Variants in MORC1 observed in about 807,000 individuals in gnomAD.
MORC1 encodes MORC family CW-type zinc finger 1, also known as MORC family CW-type zinc finger protein 1.
Under a neutral mutation model 134.9 loss-of-function variants are expected in MORC1, and 59 were observed. The ratio of observed to expected loss-of-function variants is 0.44; its 90% confidence interval spans 0.35 to 0.54. The LOEUF (loss-of-function observed/expected upper bound fraction) is 0.54, where lower values mean the gene tolerates loss of function less well. MORC1 is among the 20% of genes least tolerant of loss of function. MORC1 has a pLI of 0.00. For synonymous variants in MORC1, 395 were observed against 391.7 expected (o/e 1.01, Z -0.10); for missense variants, 947 against 1,134.5 (o/e 0.83, Z 2.37).
intron 26 of MORC1, among the ~76,000 whole-genome samples, chr3:108,967,954 T>C (rs533046916): frequency 6.6e-6 from 1 of 152,326 alleles, no homozygotes; most frequent in South Asian, 2.1e-4. Context: ...TGGGATATTA[T>C]CTTTCTGAAT....
chr3:109,033,419 T>C (rs1031015384), intron 15 of MORC1, among the ~76,000 whole-genome samples: 2 of 152,164 alleles, frequency 1.3e-5, no homozygotes, highest in Non-Finnish European at 1.5e-5. Context: ...CTCCAGTCTA[T>C]AGTTTCTGAT....
chr3:109,065,539 A>G (rs1950176647), intron 9 of MORC1, among the ~76,000 whole-genome samples: 1 of 152,218 alleles, frequency 6.6e-6, no homozygotes. Flanking sequence ...TGGCATGGCA[A>G]AAGTGATGGT....
At chr3:109,046,318 G>A (rs1467215019) in intron 14 of MORC1, among the ~76,000 whole-genome samples, 1 of 152,088 alleles carries the variant, frequency 6.6e-6, no homozygotes, top group Non-Finnish European at 1.5e-5. Context: ...GGAAAATTAT[G>A]TTTCTCCTGG....
chr3:109,003,430 C>T (rs1054540624), intron 20 of MORC1, among the ~76,000 whole-genome samples: 2 of 146,974 alleles, frequency 1.4e-5, no homozygotes, highest in South Asian at 2.1e-4. Flanking sequence ...CACACACACA[C>T]GCATGCATAC....
chr3:109,094,128 T>C (rs1354949921), intron 7 of MORC1, among the ~76,000 whole-genome samples: 1 of 152,124 alleles, frequency 6.6e-6, no homozygotes, highest in Admixed American at 6.6e-5. Flanking sequence ...ATGAGTGTGG[T>C]TGCGTTCCAA....
intron 9 of MORC1, among the ~76,000 whole-genome samples, chr3:109,068,576 A>G (rs947480128): frequency 2.6e-5 from 4 of 152,022 alleles, no homozygotes; most frequent in South Asian, 2.1e-4. Context: ...CATTGTGTGT[A>G]TATATATATA....
At chr3:109,092,943 A>G (rs1233988861) in intron 8 of MORC1, among the ~76,000 whole-genome samples, 4 of 152,158 alleles carry the variant, frequency 2.6e-5, no homozygotes, top group Non-Finnish European at 5.9e-5. Context: ...CATGCAGAAA[A>G]TAATGATTAA....
chr3:108,998,949 T>C (rs1948314569), intron 21 of MORC1, among the ~76,000 whole-genome samples: 1 of 152,182 alleles, frequency 6.6e-6, no homozygotes, highest in Non-Finnish European at 1.5e-5. Flanking sequence ...TGCCAAAAGC[T>C]GTGTGCAAAG....
chr3:109,054,608 G>T, intron 14 of MORC1, 120 bp downstream of exon 14: 1 of 873,820 alleles, frequency 1.1e-6, no homozygotes. Flanking sequence ...TAAAGCAGGA[G>T]CTCCCTTTCA....
chr3:109,058,618 A>C (rs899191503), intron 12 of MORC1, among the ~76,000 whole-genome samples: 7 of 152,124 alleles, frequency 4.6e-5, no homozygotes, highest in African/African-American at 1.7e-4. Flanking sequence ...GACATGAGTT[A>C]ATATACTATA....
intron 14 of MORC1, among the ~76,000 whole-genome samples, chr3:109,044,855 G>C (rs891070829): frequency 6.7e-6 from 1 of 148,356 alleles, no homozygotes; most frequent in Non-Finnish European, 1.5e-5. Context: ...TTAGGCAGGA[G>C]AATTGCTTGA....
chr3:109,055,701 C>T (rs1214077716), intron 13 of MORC1, among the ~76,000 whole-genome samples: 2 of 152,158 alleles, frequency 1.3e-5, no homozygotes, highest in South Asian at 2.1e-4. Context: ...CAGCACCAAG[C>T]CCTGTTCCAG....
chr3:108,997,273 C>T (rs1164203410), intron 21 of MORC1, among the ~76,000 whole-genome samples: 1 of 152,152 alleles, frequency 6.6e-6, no homozygotes, highest in East Asian at 1.9e-4. Flanking sequence ...GGGCTCATGC[C>T]TGTAATCCCA....
intron 22 of MORC1, 62 bp from the exon 23 acceptor site, chr3:108,984,844 G>T (rs1947853627): frequency 1.5e-6 from 2 of 1,363,026 alleles, no homozygotes; most frequent in East Asian, 2.4e-5. Flanking sequence ...TGAACCAAAA[G>T]AAATGTTAGC....
chr3:108,994,506 T>G (rs1948145611), intron 21 of MORC1, among the ~76,000 whole-genome samples: 1 of 152,174 alleles, frequency 6.6e-6, no homozygotes, highest in Non-Finnish European at 1.5e-5. Flanking sequence ...TGGGTTTGCC[T>G]CTAACATTCA....
At chr3:109,085,270 A>T (rs937390798) in intron 8 of MORC1, among the ~76,000 whole-genome samples, 6 of 152,078 alleles carry the variant, frequency 3.9e-5, no homozygotes, top group African/African-American at 1.4e-4. Flanking sequence ...GCATTACATC[A>T]AGCTAAAAAG....
chr3:108,974,229 C>T (rs1201850555), intron 24 of MORC1, among the ~76,000 whole-genome samples: 2 of 152,188 alleles, frequency 1.3e-5, no homozygotes, highest in East Asian at 3.9e-4. Context: ...AACTTGCAGT[C>T]TCTAAACACA....
chr3:109,032,608 T>TACCAGATA, intron 16 of MORC1, 112 bp downstream of exon 16: 1 of 703,486 alleles, frequency 1.4e-6, no homozygotes, highest in Admixed American at 3.1e-5. Flanking sequence ...TTTGAAGAGA[T>TACCAGATA]ACCAGATACT....
At chr3:108,993,906 G>A (rs1242129044) in intron 21 of MORC1, among the ~76,000 whole-genome samples, 1 of 151,500 alleles carries the variant, frequency 6.6e-6, no homozygotes, top group Non-Finnish European at 1.5e-5. Flanking sequence ...CATTTGTTTT[G>A]GCCACCATAA....
Sources: gnomAD v4.1 joint callset for allele counts (sites outside exome capture counted in the v4.1 genomes callset) on GRCh38, gnomAD v4.1.1 for gene constraint, MANE v1.5 for transcripts, NCBI Gene and HGNC (gene_info 2026-07-23, HGNC 2026-07-21) for gene names.